The following FAM199X variants were observed in gnomAD, a reference collection of about 807,000 sequenced individuals.
FAM199X encodes the protein protein FAM199X.
Under a neutral mutation model 22.9 loss-of-function variants are expected in FAM199X, and 4 were observed. The observed-to-expected ratio is 0.17, with a 90% CI of 0.09 to 0.40. The LOEUF (loss-of-function observed/expected upper bound fraction) is 0.40. Among genes scored for constraint, FAM199X ranks in the 10% least tolerant of loss-of-function variants. The pLI, the probability that FAM199X is intolerant of heterozygous loss-of-function variation, is 1.00. For missense variants in FAM199X, 183 were observed against 306.8 expected (o/e 0.60, Z 3.01); for synonymous variants, 101 against 112.3 (o/e 0.90, Z 0.64).
upstream of FAM199X, among the ~76,000 whole-genome samples, chrX:104,165,890 G>C (rs1556373649): frequency 9.0e-6 from 1 of 111,332 alleles, no homozygotes; most frequent in East Asian, 2.8e-4. Flanking sequence ...AGGATTAGCA[G>C]GGGAGAAATG....
chrX:104,174,400 A>G (rs1389731398), intron 1 of FAM199X, among the ~76,000 whole-genome samples: 1 of 111,580 alleles, frequency 9.0e-6, no homozygotes, highest in Non-Finnish European at 1.9e-5. Context: ...GAGCACTTTT[A>G]TATACTGCCC....
chrX:104,187,579 T>C lies in FAM199X; in HGVS notation c.730-461T>C, dbSNP rs143298714. Among the ~76,000 whole-genome samples, 540 of 112,411 alleles carry C rather than the reference T, an allele frequency of 4.8e-3. 4 individuals are homozygous for C. The highest frequency in any genetic ancestry group is 0.016 in the African/African-American group (503 of 31,000). On this transcript the variant is annotated intron_variant, in intron 4 of 5. Transcript: ENST00000493442. ...TACATTCCAGCAAATTTTTCATTAG[T>C]ATGATAAATTGATGTCTTGCATTTG...
In FAM199X at chrX:104,191,842, CAT is replaced by C. The variant is rs1221229394; in HGVS notation, c.*2066_*2067del. The stretch of plus-strand genomic sequence containing the variant: ...AATTCCCCTACTCTCCCAATAATCA[CAT>C]AGTCTTATTACTTTCAATTTAACTT... On this transcript the variant is annotated 3_prime_UTR_variant, in exon 6 of 6. Transcript: ENST00000493442. The C allele has an allele frequency of 1.8e-5, 2 of 111,873 alleles. No individual in the cohort carries two copies. The highest frequency in any genetic ancestry group is 3.7e-4 in the South Asian group (1 of 2,687). The allele number at this position is 111,873 out of a possible 1,213,427, so 9.2% of individuals were successfully genotyped here. A position where few individuals can be genotyped will look rare whatever the true frequency, so the allele number is the denominator to read the frequency against.
rs781787891 is a variant in FAM199X at position 104,195,402 on chromosome X, TG to T, written c.*5626del. On this transcript the variant is annotated 3_prime_UTR_variant, in exon 6 of 6. Transcript: ENST00000493442. ...AAAGCCCCAGATACCCAAATGTCATTGGCAAAACTTATTTTTTTTTCTGGAC... is the reference window on the plus strand; with the variant it reads ...AAAGCCCCAGATACCCAAATGTCATTGCAAAACTTATTTTTTTTTCTGGAC... The T allele has an allele frequency of 9.0e-6, 1 of 111,373 alleles. No individual in the cohort carries two copies. Among genetic ancestry groups the T allele is most frequent in the Admixed American group, 9.6e-5 (1 of 10,385 alleles). 9.2% of individuals were successfully genotyped at this position (111,373 alleles called of 1,213,427 possible).
At chrX:104,185,980 C>T (rs1434251101) in intron 2 of FAM199X, 86 bp from the exon 3 acceptor site, 6 of 932,007 alleles carry the variant, frequency 6.4e-6, no homozygotes, top group African/African-American at 6.0e-5. Flanking sequence ...AACTTTTAAT[C>T]GATGTGGAAA....
At position 104,191,056 on chromosome X, in the gene FAM199X, T is replaced by G. The variant is rs1556380309; in HGVS notation, c.*1278T>G. ...CTGACAATCAAGCTGCTTTCTGACTTTCATAATTTTCTTTATATTGTGGAT... is the reference window on the plus strand; with the variant it reads ...CTGACAATCAAGCTGCTTTCTGACTGTCATAATTTTCTTTATATTGTGGAT... On this transcript the variant is annotated 3_prime_UTR_variant, in exon 6 of 6. Coordinates refer to ENST00000493442, the MANE Select transcript of FAM199X (RefSeq NM_207318.4). 1 of 112,165 alleles carries G rather than the reference T, an allele frequency of 8.9e-6. No homozygotes were observed. The highest frequency in any genetic ancestry group is 1.9e-5 in the Non-Finnish European group (1 of 53,170). 9.2% of individuals were successfully genotyped at this position (112,165 alleles called of 1,213,427 possible).
At position 104,166,835 on chromosome X, in the gene FAM199X, C is replaced by T; in HGVS notation, c.50C>T (p.Pro17Leu). 2 of 1,208,199 alleles carry T rather than the reference C, an allele frequency of 1.7e-6. No homozygotes were observed. The highest frequency in any genetic ancestry group is 2.2e-6 in the Non-Finnish European group (2 of 893,708). Residue 17 changes from proline to leucine, a missense_variant, in exon 1 of 6, where the codon CCC becomes CTC. Transcript: ENST00000493442. ...ACTTCCTACGAGAAGTTTCTAACCC[C>T]CGAGGAGCCCTTCCCACTCCTGGGA... ...AITSYEKFLT[P>L]EEPFPLLGPP... is the part of the protein sequence containing the mutation.
At position 104,177,874 on chromosome X, in the gene FAM199X, G is replaced by A. The variant is rs781971161; in HGVS notation, c.417+2032G>A. 1.3e-4 allele frequency among the ~76,000 whole-genome samples: 15 copies of A among 111,910 alleles called. No homozygotes were observed. The East Asian group carries it at 4.2e-3, about 31-fold the overall frequency. On this transcript the variant is annotated intron_variant, in intron 2 of 5. Transcript: ENST00000493442. Reference sequence around the variant, plus strand: ...TGATTTGCAAAAATGTTTTTATTCTGCAGGTTGTCTTTTTGCTTGTTAGCA... The same window carrying A: ...TGATTTGCAAAAATGTTTTTATTCTACAGGTTGTCTTTTTGCTTGTTAGCA...
At chrX:104,167,568 T>C (rs116570880) in intron 1 of FAM199X, among the ~76,000 whole-genome samples, 4,229 of 109,804 alleles carry the variant, frequency 0.039, 182 homozygotes, top group African/African-American at 0.13. Flanking sequence ...CTTTTTTTCC[T>C]CCTCCTTTAT....
At chrX:104,163,227 A>G (rs1302334504), upstream of FAM199X, among the ~76,000 whole-genome samples, 1 of 111,677 alleles carries the variant, frequency 9.0e-6, no homozygotes, top group Non-Finnish European at 1.9e-5. Context: ...CCAATGGTAA[A>G]CAAAATGATA....
rs966984676 is a variant in FAM199X, at chrX:104,171,273, A to G, written c.197+4291A>G. On this transcript the variant is annotated intron_variant, in intron 1 of 5. Transcript: ENST00000493442. ...TGTTCTTGGCTTTATTTTTTTTTTTAATTAAAATTTGGGCAGCAAGCCTAG... is the reference window on the plus strand; with the variant it reads ...TGTTCTTGGCTTTATTTTTTTTTTTGATTAAAATTTGGGCAGCAAGCCTAG... 8.2e-5 allele frequency among the ~76,000 whole-genome samples: 9 copies of G among 110,278 alleles called. No homozygotes were observed. In the Admixed American group the frequency reaches 8.7e-4, roughly 11 times the overall value.
In FAM199X at chrX:104,193,915, C is replaced by A. The variant is rs1165934332; in HGVS notation, c.*4137C>A. ...ACATAACTACTTATAATGCTTAGGT[C>A]TTATTTCTTTGGAAAATAAGTTACT... is the stretch of plus-strand genomic sequence containing the variant. On this transcript the variant is annotated 3_prime_UTR_variant, in exon 6 of 6. Transcript: ENST00000493442. The A allele has an allele frequency of 8.1e-5, 9 of 111,253 alleles. No individual in the cohort carries two copies. The highest frequency in any genetic ancestry group is 1.3e-4 in the Non-Finnish European group (7 of 52,839). The allele number at this position is 111,253 out of a possible 1,213,427, so 9.2% of individuals were successfully genotyped here.
At chrX:104,181,344 G>C (rs907792916) in intron 2 of FAM199X, among the ~76,000 whole-genome samples, 4 of 111,846 alleles carry the variant, frequency 3.6e-5, no homozygotes, top group Non-Finnish European at 7.5e-5. Context: ...ATGGAAAATT[G>C]CTGGTCTAAT....
intron 2 of FAM199X, among the ~76,000 whole-genome samples, chrX:104,177,587 C>T (rs1217523252): frequency 5.4e-5 from 6 of 112,006 alleles, no homozygotes; most frequent in African/African-American, 1.6e-4. Flanking sequence ...CCACCAGCAG[C>T]GTATGAAAGT....
intron 2 of FAM199X, 65 bp downstream of exon 2, chrX:104,175,907 G>A: frequency 1.3e-6 from 1 of 786,055 alleles, no homozygotes; most frequent in East Asian, 3.2e-5. Flanking sequence ...CTTTTCTTTT[G>A]ATATTTTCAT....
At chrX:104,167,680 G>A (rs1442513442) in intron 1 of FAM199X, among the ~76,000 whole-genome samples, 1 of 111,191 alleles carries the variant, frequency 9.0e-6, no homozygotes, top group African/African-American at 3.3e-5. Context: ...CCCCTTTGAA[G>A]AGACAGAGTA....
chrX:104,158,452 T>C, the FAM199X span, among the ~76,000 whole-genome samples: 1 of 111,910 alleles, frequency 8.9e-6, no homozygotes. Context: ...TCTGTAAAGC[T>C]TGGATATTAG....
rs782353108 is a variant in FAM199X at position 104,192,409 on chromosome X, C to G, written c.*2631C>G. 5.4e-5 allele frequency: 6 copies of G among 111,576 alleles called. No homozygotes were observed. The South Asian group carries it at 2.2e-3, about 42-fold the overall frequency. The allele number at this position is 111,576 out of a possible 1,213,427, so 9.2% of individuals were successfully genotyped here. On this transcript the variant is annotated 3_prime_UTR_variant, in exon 6 of 6. Coordinates refer to ENST00000493442, the MANE Select transcript of FAM199X (RefSeq NM_207318.4). Reference sequence around the variant, plus strand: ...AGTATTGGTTCTCATCTGTAGAGAACTGACATTGGAGCAAATTTTAAGTCT... The same window carrying G: ...AGTATTGGTTCTCATCTGTAGAGAAGTGACATTGGAGCAAATTTTAAGTCT...
upstream of FAM199X, among the ~76,000 whole-genome samples, chrX:104,163,083 GACTCAGCTAAATAC>G (rs1164447236): frequency 5.0e-5 from 5 of 99,211 alleles, no homozygotes; most frequent in African/African-American, 1.6e-4. Flanking sequence ...GGTGATATTT[GACTCAGCTAAATAC>G]ACACACACAC....
Sources: allele counts gnomAD v4.1 joint callset (sites outside exome capture counted in the v4.1 genomes callset), GRCh38; gene constraint gnomAD v4.1.1; transcripts MANE v1.5; gene names NCBI Gene and HGNC (gene_info 2026-07-23, HGNC 2026-07-21).